Variants in DEPTOR observed in about 807,000 individuals in gnomAD.
DEPTOR encodes DEP domain-containing mTOR-interacting protein.
Under a neutral mutation model 41.6 loss-of-function variants are expected in DEPTOR, and 41 were observed. That is an observed-to-expected ratio of 0.98 (90% CI 0.77 to 1.28). The LOEUF (loss-of-function observed/expected upper bound fraction) is 1.28. DEPTOR is among the 50% of genes most tolerant of loss of function. The pLI is 0.00. For synonymous variants in DEPTOR, 195 were observed against 192.3 expected (o/e 1.01, Z -0.12); for missense variants, 514 against 527.9 (o/e 0.97, Z 0.26).
In DEPTOR at chr8:119,876,726, A is replaced by G. The variant is rs568855937; in HGVS notation, c.122+2758A>G. Among the ~76,000 whole-genome samples, 4 of 152,120 alleles carry G rather than the reference A, an allele frequency of 2.6e-5. No homozygotes were observed. In the South Asian group the frequency reaches 6.2e-4, roughly 24 times the overall value. Reference sequence around the variant, plus strand: ...GGATTAGATGAGTTGCGCTTAGGGTAGTTTCTGATAGATATGTAGTAAGCA... The same window carrying G: ...GGATTAGATGAGTTGCGCTTAGGGTGGTTTCTGATAGATATGTAGTAAGCA... On this transcript the variant is annotated intron_variant, in intron 1 of 8. Coordinates refer to ENST00000286234, the MANE Select transcript of DEPTOR (RefSeq NM_022783.4).
chr8:119,947,804 C>CT (rs1006711088), intron 3 of DEPTOR, among the ~76,000 whole-genome samples: 2 of 152,138 alleles, frequency 1.3e-5, no homozygotes, highest in Middle Eastern at 3.2e-3. Flanking sequence ...GATTGACACT[C>CT]TTGAGCTCAG....
chr8:119,972,574 G>A (rs1828646247), intron 4 of DEPTOR, among the ~76,000 whole-genome samples: 2 of 149,400 alleles, frequency 1.3e-5, no homozygotes, highest in South Asian at 2.1e-4. Context: ...AGTGAGCCGA[G>A]ATCATGCCAC....
intron 1 of DEPTOR, 129 bp downstream of exon 1, chr8:119,874,097 G>T (rs1827200853): frequency 6.7e-7 from 1 of 1,494,906 alleles, no homozygotes; most frequent in South Asian, 1.2e-5. Flanking sequence ...GGCTGCGGGC[G>T]CGTGGATGGT....
At chr8:119,928,785 T>G (rs1012655221) in intron 2 of DEPTOR, among the ~76,000 whole-genome samples, 3 of 150,560 alleles carry the variant, frequency 2.0e-5, no homozygotes, top group Admixed American at 6.7e-5. Context: ...GAGACCGGGT[T>G]TCACCCTGTT....
At chr8:119,932,736 C>T (rs921574701) in intron 3 of DEPTOR, among the ~76,000 whole-genome samples, 4 of 152,052 alleles carry the variant, frequency 2.6e-5, no homozygotes, top group Admixed American at 6.6e-5. Context: ...ATACAGGTGT[C>T]GTCGGTGCAA....
intron 4 of DEPTOR, among the ~76,000 whole-genome samples, chr8:119,986,291 A>T (rs147070032): frequency 2.3e-3 from 347 of 152,222 alleles, no homozygotes; most frequent in African/African-American, 7.9e-3. Context: ...TTATAAGCGT[A>T]GTTTGGCCTG....
At chr8:119,938,862 T>A (rs1828162040) in intron 3 of DEPTOR, among the ~76,000 whole-genome samples, 1 of 150,122 alleles carries the variant, frequency 6.7e-6, no homozygotes. Flanking sequence ...CCTCCCCGTT[T>A]CTCCCTCTCT....
intron 1 of DEPTOR, among the ~76,000 whole-genome samples, chr8:119,913,403 G>A (rs1345067455): frequency 6.6e-6 from 1 of 152,168 alleles, no homozygotes; most frequent in African/African-American, 2.4e-5. Context: ...CATTTTCACT[G>A]GTTTACAGAA....
chr8:120,042,605 G>A (rs1325834268), intron 8 of DEPTOR, among the ~76,000 whole-genome samples: 10 of 151,996 alleles, frequency 6.6e-5, no homozygotes, highest in African/African-American at 1.2e-4. Flanking sequence ...TGCAACTTCC[G>A]CCTCCCAGGT....
At chr8:120,002,792 ATATAT>A (rs1275859623) in intron 5 of DEPTOR, among the ~76,000 whole-genome samples, 180 bp from the exon 6 acceptor site, 12 of 24,388 alleles carry the variant, frequency 4.9e-4, no homozygotes, top group African/African-American at 2.1e-3. Context: ...AAAAAAAAAA[ATATAT>A]ATATATATAT....
chr8:119,959,795 C>T (rs1828466822), intron 3 of DEPTOR, among the ~76,000 whole-genome samples: 1 of 152,092 alleles, frequency 6.6e-6, no homozygotes, highest in African/African-American at 2.4e-5. Flanking sequence ...CCTCAAAATG[C>T]TGGGATTACA....
intron 8 of DEPTOR, among the ~76,000 whole-genome samples, chr8:120,023,471 A>G (rs1812753673): frequency 6.6e-6 from 1 of 152,094 alleles, no homozygotes; most frequent in South Asian, 2.1e-4. Context: ...TATTCCACAT[A>G]CAGTCACATT....
intron 1 of DEPTOR, among the ~76,000 whole-genome samples, chr8:119,902,882 C>T (rs368316308): frequency 1.3e-5 from 2 of 151,918 alleles, no homozygotes; most frequent in East Asian, 1.9e-4. Context: ...TCTTGAGGGT[C>T]GTGCCACTTT....
At chr8:119,896,780 G>C (rs1228221373) in intron 1 of DEPTOR, among the ~76,000 whole-genome samples, 1 of 152,098 alleles carries the variant, frequency 6.6e-6, no homozygotes, top group East Asian at 1.9e-4. Flanking sequence ...TTACAGGCGT[G>C]AACCACCGTG....
intron 8 of DEPTOR, among the ~76,000 whole-genome samples, chr8:120,017,635 G>GA (rs755534418): frequency 4.6e-5 from 7 of 152,174 alleles, no homozygotes; most frequent in Non-Finnish European, 8.8e-5. Flanking sequence ...TCATCCAAGT[G>GA]AAAAATCCCA....
chr8:120,042,963 G>C (rs957121196), intron 8 of DEPTOR, among the ~76,000 whole-genome samples: 7 of 151,880 alleles, frequency 4.6e-5, no homozygotes, highest in Non-Finnish European at 1.0e-4. Context: ...TGATTCTCCT[G>C]CCTCAGCCTC....
chr8:119,942,894 GT>G (rs1223724043), intron 3 of DEPTOR, among the ~76,000 whole-genome samples: 2 of 152,168 alleles, frequency 1.3e-5, no homozygotes, highest in Non-Finnish European at 2.9e-5. Flanking sequence ...GATATGCTAG[GT>G]TTCTAATAAA....
chr8:119,999,549 A>C (rs992195062), intron 4 of DEPTOR, among the ~76,000 whole-genome samples: 8 of 152,122 alleles, frequency 5.3e-5, no homozygotes, highest in Non-Finnish European at 1.0e-4. Flanking sequence ...ACTTGAGCCC[A>C]GGAGTTCGAG....
At position 119,873,909 on chromosome 8, in the gene DEPTOR, G is replaced by A. The variant is rs1827197218; in HGVS notation, c.63G>A (p.Gly21=). 3.1e-6 allele frequency: 5 copies of A among 1,613,846 alleles called. No homozygotes were observed. The East Asian group carries it at 1.1e-4, about 36-fold the overall frequency. The part of the protein sequence containing the change: ...GSDSSTSGSG[G]AQQRELERMA... ...ACAGCAGCACCAGCGGGAGTGGCGG[G>A]GCGCAGCAAAGGGAGCTGGAGCGCA... is the stretch of plus-strand genomic sequence containing the variant. Residue 21 remains glycine, a synonymous_variant, in exon 1 of 9, where the codon GGG becomes GGA. Coordinates refer to ENST00000286234, the MANE Select transcript of DEPTOR (RefSeq NM_022783.4).
Sources: allele counts gnomAD v4.1 joint callset (sites outside exome capture counted in the v4.1 genomes callset), GRCh38; gene constraint gnomAD v4.1.1; transcripts MANE v1.5; gene names NCBI Gene and HGNC (gene_info 2026-07-23, HGNC 2026-07-21).